ATXN7L2: variants seen among roughly 807,000 people sequenced by gnomAD.
ATXN7L2 encodes ataxin-7-like protein 2.
In ATXN7L2, 17 loss-of-function variants were observed where a neutral mutation model predicts 59.6. The observed-to-expected ratio is 0.29, with a 90% confidence interval of 0.20 to 0.43. ATXN7L2 has a LOEUF of 0.43. Among genes scored for constraint, ATXN7L2 ranks in the 20% least tolerant of loss-of-function variants. ATXN7L2 has a pLI of 1.00. For missense variants in ATXN7L2, 858 were observed against 1,008.9 expected (o/e 0.85, Z 2.03); for synonymous variants, 378 against 392.5 (o/e 0.96, Z 0.44).
chr1:109,487,055 C>T lies in ATXN7L2; in HGVS notation c.347C>T (p.Pro116Leu), dbSNP rs913422138. Reference protein sequence around the residue: ...LSKLYGRAPPPPPAPASSQKC... With the variant: ...LSKLYGRAPPLPPAPASSQKC... Reference sequence around the variant, plus strand: ...AAGCTTTATGGCCGGGCCCCACCCCCACCTCCAGCCCCTGCCAGCTCTCAG... The same window carrying T: ...AAGCTTTATGGCCGGGCCCCACCCCTACCTCCAGCCCCTGCCAGCTCTCAG... Residue 116 changes from proline (P) to leucine (L), a missense_variant, in exon 4 of 11, where the codon CCA becomes CTA. Coordinates refer to ENST00000683729, the MANE Select transcript of ATXN7L2 (RefSeq NM_001350175.2). 3 of 1,612,034 alleles carry T rather than the reference C, an allele frequency of 1.9e-6. No homozygotes were observed. Among genetic ancestry groups the T allele is most frequent in the East Asian group, 4.5e-5 (2 of 44,750 alleles).
At chr1:109,489,181 G>C in intron 7 of ATXN7L2, 81 bp downstream of exon 7, 2 of 1,513,956 alleles carry the variant, frequency 1.3e-6, no homozygotes, top group Non-Finnish European at 1.8e-6. Context: ...ACAGGCTCAG[G>C]GAGTGTCCTG....
chr1:109,486,959 G>A lies in ATXN7L2; in HGVS notation c.299-48G>A. The A allele has an allele frequency of 6.8e-7, 1 of 1,469,342 alleles. No homozygotes were observed. The highest frequency in any genetic ancestry group is 9.2e-7 in the Non-Finnish European group (1 of 1,090,782). The allele number at this position is 1,469,342 out of a possible 1,614,324, so 91.0% of individuals were successfully genotyped here. On this transcript the variant is annotated intron_variant, in intron 3 of 10. Transcript: ENST00000683729. The surrounding 1 kb of genome is among the most constrained non-coding windows in gnomAD (Gnocchi z 4.3). ...GGACATGGTTAGGTTGGGGAAGGAA[G>A]TGGTGATACCACTCACCTTGATTAT...
chr1:109,490,111 C>A lies in ATXN7L2; in HGVS notation c.1315C>A (p.Pro439Thr). The A allele has an allele frequency of 6.3e-7, 1 of 1,575,310 alleles. No homozygotes were observed. The highest frequency in any genetic ancestry group is 1.2e-5 in the South Asian group (1 of 84,530). ...CCCTGACTGCCATTATGCAACCCGG[C>A]CCCCACGGCCACAGGCGGTAAGGAC... ...PPPDCHYATRPPRPQAFCTFG... is the reference protein window; with the variant it reads ...PPPDCHYATRTPRPQAFCTFG... Residue 439 changes from proline to threonine, a missense_variant, in exon 8 of 11, where the codon CCC (proline) becomes ACC (threonine). Coordinates refer to ENST00000683729, the MANE Select transcript of ATXN7L2 (RefSeq NM_001350175.2).
At chr1:109,492,201 C>G in intron 10 of ATXN7L2, 9 of 807,038 alleles carry the variant, frequency 1.1e-5, no homozygotes, top group Non-Finnish European at 1.4e-5. Flanking sequence ...GTGCCCACCT[C>G]CAGGTGTGCA....
chr1:109,487,434 AAG>A, intron 4 of ATXN7L2, 82 bp from the exon 5 acceptor site: 1 of 1,345,892 alleles, frequency 7.4e-7, no homozygotes, highest in Non-Finnish European at 9.7e-7. Context: ...AGGGCTGGGA[AAG>A]AGATGGCTCT....
chr1:109,489,745 CTCTG>C (rs1656883640), intron 7 of ATXN7L2, 181 bp from the exon 8 acceptor site: 1 of 652,368 alleles, frequency 1.5e-6, no homozygotes, highest in African/African-American at 1.8e-5. Flanking sequence ...GGAGCAGTCT[CTCTG>C]TCTCTTACTC....
chr1:109,492,212 G>A (rs986111274), intron 10 of ATXN7L2: 1 of 738,054 alleles, frequency 1.4e-6, no homozygotes. Context: ...CAGGTGTGCA[G>A]GTGACAGGCA....
rs372614457 is a variant in ATXN7L2, at chr1:109,491,418, C to T, written c.1951C>T (p.Pro651Ser). The change falls in exon 10 of 11, where the codon CCA (proline) becomes TCA (serine). Residue 651 changes from proline (P) to serine (S), a missense_variant. Pro to Ser is a moderately conservative substitution (Grantham distance 74). Coordinates refer to ENST00000683729, the MANE Select transcript of ATXN7L2 (RefSeq NM_001350175.2). The surrounding 1 kb of genome is among the most constrained non-coding windows in gnomAD (Gnocchi z 4.1). The stretch of plus-strand genomic sequence containing the variant: ...CATGGGGCTTAATGGGACAATGGGG[C>T]CAAGAGTGAAGCGGGCAGGGCCCCT... Reference protein sequence around the residue: ...LSMGLNGTMGPRVKRAGPLDC... With the variant: ...LSMGLNGTMGSRVKRAGPLDC... The T allele has an allele frequency of 2.0e-5, 33 of 1,614,198 alleles. No individual in the cohort carries two copies. The African/African-American group carries it at 4.1e-4, about 20-fold the overall frequency.
Position 109,487,227 on chromosome 1 carries a change from G to A in ATXN7L2, c.509+10G>A, listed in dbSNP as rs899418263. 4.6e-6 allele frequency: 7 copies of A among 1,513,306 alleles called. No homozygotes were observed. In the African/African-American group the frequency reaches 9.8e-5, roughly 21 times the overall value. The allele number at this position is 1,513,306 out of a possible 1,614,324, so 93.7% of individuals were successfully genotyped here. A position where few individuals can be genotyped will look rare whatever the true frequency, so the allele number is the denominator to read the frequency against. On this transcript the variant is annotated intron_variant, in intron 4 of 10. Coordinates refer to ENST00000683729, the MANE Select transcript of ATXN7L2 (RefSeq NM_001350175.2). ...AGAAGGACAACCTCTGGTAAGGAGA[G>A]GCTGGAAACTTTCTAAGACTGGCCC...
At chr1:109,487,244 G>T in intron 4 of ATXN7L2, 27 bp downstream of exon 4, 2 of 1,483,334 alleles carry the variant, frequency 1.3e-6, no homozygotes, top group Non-Finnish European at 1.8e-6. Context: ...AACTTTCTAA[G>T]ACTGGCCCTG....
In ATXN7L2 at chr1:109,486,554, T is replaced by C; in HGVS notation, c.242T>C (p.Val81Ala). ...CCTGCCCATGATGACTTCTACTTGG[T>C]TGTGTGTAACCACTGCAGCCAAGTG... ...HCPAHDDFYL[V>A]VCNHCSQVVK... The change falls in exon 3 of 11, where the codon GTT (valine) becomes GCT (alanine). Residue 81 changes from valine to alanine, a missense_variant. Val to Ala is a moderately conservative substitution (Grantham distance 64). Coordinates refer to ENST00000683729, the MANE Select transcript of ATXN7L2 (RefSeq NM_001350175.2). The surrounding 1 kb of genome is among the most constrained non-coding windows in gnomAD (Gnocchi z 4.3). 6.2e-7 allele frequency: 1 copy of C among 1,614,124 alleles called. No individual in the cohort carries two copies.
rs1557871161 is a variant in ATXN7L2 at position 109,489,070 on chromosome 1, A to C, written c.1103A>C (p.Lys368Thr). The C allele has an allele frequency of 6.2e-7, 1 of 1,614,154 alleles. No individual in the cohort carries two copies. Among genetic ancestry groups the C allele is most frequent in the Admixed American group, 1.7e-5 (1 of 60,024 alleles). Residue 368 changes from lysine to threonine, a missense_variant, in exon 7 of 11, where the codon AAG (lysine) becomes ACG (threonine). Physicochemically the swap from Lys to Thr is moderately conservative, Grantham distance 78. Coordinates refer to ENST00000683729, the MANE Select transcript of ATXN7L2 (RefSeq NM_001350175.2). ...AGCAGCACCTTCTCTGTTCGTGCCA[A>C]GCAGACCTACCCATACTGTGCACTG... ...APSSTFSVRA[K>T]QTYPYCALPR...
Position 109,491,430 on chromosome 1 carries a change from C to T in ATXN7L2, c.1963C>T (p.Arg655Trp), listed in dbSNP as rs878945994. The T allele has an allele frequency of 1.7e-5, 28 of 1,614,042 alleles. No individual in the cohort carries two copies. The East Asian group carries it at 2.0e-4, about 12-fold the overall frequency. ...TGGGACAATGGGGCCAAGAGTGAAG[C>T]GGGCAGGGCCCCTGGACTGTCGTGG... ...LNGTMGPRVK[R>W]AGPLDCRGSP... The change falls in exon 10 of 11, where the codon CGG (arginine) becomes TGG (tryptophan). Residue 655 changes from arginine to tryptophan, a missense_variant. By Grantham distance (101) the Arg-to-Trp change is moderately radical. This residue lies in a region of ATXN7L2 where 734 missense variants were observed against 862.3 expected (regional missense o/e 0.85). Transcript: ENST00000683729. This position sits in a 1 kb window ranked among gnomAD's most constrained non-coding sequence, Gnocchi z 4.1.
chr1:109,486,941 G>T lies in ATXN7L2; in HGVS notation c.299-66G>T. On this transcript the variant is annotated intron_variant, in intron 3 of 10. Coordinates refer to ENST00000683729, the MANE Select transcript of ATXN7L2 (RefSeq NM_001350175.2). The surrounding 1 kb of genome is among the most constrained non-coding windows in gnomAD (Gnocchi z 4.3). ...TCTCTCATGTGAGTCTATGGACATGGTTAGGTTGGGGAAGGAAGTGGTGAT... is the reference window on the plus strand; with the variant it reads ...TCTCTCATGTGAGTCTATGGACATGTTTAGGTTGGGGAAGGAAGTGGTGAT... The T allele has an allele frequency of 7.3e-7, 1 of 1,370,334 alleles. No homozygotes were observed. Among genetic ancestry groups the T allele is most frequent in the Non-Finnish European group, 9.9e-7 (1 of 1,010,484 alleles). The allele number at this position is 1,370,334 out of a possible 1,614,324, so 84.9% of individuals were successfully genotyped here.
rs1657073828 is a variant in ATXN7L2 at position 109,491,523 on chromosome 1, C to T, written c.2056C>T (p.Pro686Ser). ...QLENRGAAGH[P>S]AKALPTNCLS... ...GGAGAACCGGGGAGCAGCTGGACAC[C>T]CAGCCAAGGCCCTGCCAACCAACTG... is the stretch of plus-strand genomic sequence containing the variant. Residue 686 changes from proline to serine, a missense_variant, in exon 10 of 11, where the codon CCA becomes TCA. By Grantham distance (74) the Pro-to-Ser change is moderately conservative. This residue lies in a region of ATXN7L2 where 734 missense variants were observed against 862.3 expected (regional missense o/e 0.85). Transcript: ENST00000683729. The surrounding 1 kb of genome is among the most constrained non-coding windows in gnomAD (Gnocchi z 4.1). 1.2e-6 allele frequency: 2 copies of T among 1,613,840 alleles called. No individual in the cohort carries two copies.
Position 109,489,027 on chromosome 1 carries a change from G to T in ATXN7L2, c.1060G>T (p.Ala354Ser). 1.2e-6 allele frequency: 2 copies of T among 1,614,170 alleles called. No homozygotes were observed. The highest frequency in any genetic ancestry group is 8.5e-7 in the Non-Finnish European group (1 of 1,180,016). Residue 354 changes from alanine (A) to serine (S), a missense_variant, in exon 7 of 11, where the codon GCA becomes TCA. This residue lies in a region of ATXN7L2 where 734 missense variants were observed against 862.3 expected (regional missense o/e 0.85). Coordinates refer to ENST00000683729, the MANE Select transcript of ATXN7L2 (RefSeq NM_001350175.2). The part of the protein sequence containing the change: ...QELPSSVQVV[A>S]AVAAPSSTFS... Reference sequence around the variant, plus strand: ...GCTCCCCTCCTCAGTCCAGGTTGTAGCAGCGGTGGCTGCTCCCAGCAGCAC... The same window carrying T: ...GCTCCCCTCCTCAGTCCAGGTTGTATCAGCGGTGGCTGCTCCCAGCAGCAC...
intron 7 of ATXN7L2, chr1:109,489,640 CTG>C (rs1656871526): frequency 5.9e-6 from 3 of 505,188 alleles, no homozygotes; most frequent in African/African-American, 3.9e-5. Flanking sequence ...ACAGTTTTAA[CTG>C]TGAAGATTTT....
At position 109,491,920 on chromosome 1, in the gene ATXN7L2, C is replaced by A. The variant is rs910774976; in HGVS notation, c.2250+203C>A. The A allele has an allele frequency of 4.9e-5, 60 of 1,213,912 alleles. No homozygotes were observed. Among genetic ancestry groups the A allele is most frequent in the Non-Finnish European group, 6.1e-5 (56 of 911,680 alleles). The allele number at this position is 1,213,912 out of a possible 1,614,324, so 75.2% of individuals were successfully genotyped here. A position where few individuals can be genotyped will look rare whatever the true frequency, so the allele number is the denominator to read the frequency against. On this transcript the variant is annotated intron_variant, in intron 10 of 10. Coordinates refer to ENST00000683729, the MANE Select transcript of ATXN7L2 (RefSeq NM_001350175.2). This position sits in a 1 kb window ranked among gnomAD's most constrained non-coding sequence, Gnocchi z 4.1. ...TTTTGCCTGGTGAACCTTCCCCTAT[C>A]CCTAACCCTTTCCCTTGGGCTGAGG... is the stretch of plus-strand genomic sequence containing the variant.
intron 7 of ATXN7L2, chr1:109,489,658 G>C (rs765266613): frequency 4.7e-5 from 25 of 527,210 alleles, no homozygotes; most frequent in Non-Finnish European, 7.0e-5. Context: ...ATTTTCTGGA[G>C]GAGGCGGATC....
Sources: allele counts gnomAD v4.1 joint callset, GRCh38; gene constraint gnomAD v4.1.1; regional missense constraint gnomAD v4.1.1; non-coding constraint Gnocchi (gnomAD v3.1); transcripts MANE v1.5; gene names NCBI Gene and HGNC (gene_info 2026-07-23, HGNC 2026-07-21).